PPM1H: variants seen among roughly 807,000 people sequenced by gnomAD.
The protein encoded by PPM1H is protein phosphatase, Mg2+/Mn2+ dependent 1H.
Under a neutral mutation model 54.9 loss-of-function variants are expected in PPM1H, and 27 were observed. The ratio of observed to expected loss-of-function variants is 0.49; its 90% CI spans 0.36 to 0.68. PPM1H has a LOEUF of 0.68. Ranked by LOEUF, PPM1H falls within the 30% of genes least tolerant of loss-of-function variation. The pLI is 0.00. For synonymous variants in PPM1H, 305 were observed against 270.8 expected, an observed-to-expected ratio of 1.13 and a Z score of -1.24; for missense variants, 596 against 667.8, an observed-to-expected ratio of 0.89 and a Z score of 1.19.
At chr12:62,796,054 A>C (rs2076732285) in intron 3 of PPM1H, among the ~76,000 whole-genome samples, 1 of 152,164 alleles carries the variant, frequency 6.6e-6, no homozygotes, top group Non-Finnish European at 1.5e-5. Flanking sequence ...TTACTTCCTC[A>C]GTGGTGTCTA....
rs1472181899 is a variant in PPM1H, at chr12:62,646,529, A to G, written c.*1960T>C. ...ACAGGGAGTGGACCACACTGCTGTC[A>G]CATGCCCGAAGGTTTTCCTACAGCA... On this transcript the variant is annotated 3_prime_UTR_variant, in exon 10 of 10. Coordinates refer to ENST00000228705, the MANE Select transcript of PPM1H (RefSeq NM_020700.2). 6.6e-6 allele frequency: 1 copy of G among 152,288 alleles called. No homozygotes were observed. The highest frequency in any genetic ancestry group is 1.5e-5 in the Non-Finnish European group (1 of 68,078). The allele number at this position is 152,288 out of a possible 1,614,324, so 9.4% of individuals were successfully genotyped here.
chr12:62,696,379 G>A (rs1443762410), intron 6 of PPM1H, among the ~76,000 whole-genome samples: 2 of 152,144 alleles, frequency 1.3e-5, no homozygotes, highest in African/African-American at 4.8e-5. Flanking sequence ...GAAAAGGAAG[G>A]TTTATTCTGC....
At chr12:62,746,021 C>T (rs1443156793) in intron 4 of PPM1H, among the ~76,000 whole-genome samples, 5 of 151,938 alleles carry the variant, frequency 3.3e-5, no homozygotes, top group Non-Finnish European at 7.4e-5. Context: ...CTGAGACCCT[C>T]GTCTCTACAA....
At chr12:62,763,838 A>C (rs342151) in intron 4 of PPM1H, among the ~76,000 whole-genome samples, 30,363 of 152,030 alleles carry the variant, frequency 0.2, 3,487 homozygotes, top group African/African-American at 0.31. Flanking sequence ...CCATTTGCTG[A>C]GCTTGCTACC....
intron 8 of PPM1H, among the ~76,000 whole-genome samples, chr12:62,669,969 CTTTTTTT>C (rs1161094944): frequency 2.4e-4 from 11 of 46,428 alleles, no homozygotes; most frequent in East Asian, 8.8e-4. Flanking sequence ...GGATTGATTC[CTTTTTTT>C]TTTTTTTTTT....
At position 62,756,750 on chromosome 12, in the gene PPM1H, G is replaced by A. The variant is rs1279479533; in HGVS notation, c.870-19164C>T. Among the ~76,000 whole-genome samples, 5 of 151,968 alleles carry A rather than the reference G, an allele frequency of 3.3e-5. 1 individual carries two copies. In the South Asian group the frequency reaches 8.4e-4, roughly 25 times the overall value. On this transcript the variant is annotated intron_variant, in intron 4 of 9. Coordinates refer to ENST00000228705, the MANE Select transcript of PPM1H (RefSeq NM_020700.2). ...TGAATCTCGGAGGAGCCAATTGAAC[G>A]GCCGAAGATGACGGCACGTGAAAGC...
intron 3 of PPM1H, chr12:62,788,555 GA>G: frequency 2.3e-6 from 1 of 429,928 alleles, no homozygotes; most frequent in Non-Finnish European, 4.2e-6. Context: ...CCAGAGACAG[GA>G]AACAATAGAC....
intron 6 of PPM1H, among the ~76,000 whole-genome samples, chr12:62,719,563 CT>C (rs752815665): frequency 6.6e-6 from 1 of 152,166 alleles, no homozygotes; most frequent in Non-Finnish European, 1.5e-5. Flanking sequence ...CTGCTCCATC[CT>C]AGAAATGTTC....
chr12:62,845,515 G>A (rs186313961), intron 1 of PPM1H, among the ~76,000 whole-genome samples: 32 of 152,288 alleles, frequency 2.1e-4, no homozygotes, highest in African/African-American at 7.7e-4. Context: ...CCATATATGA[G>A]GTATGGAAAG....
chr12:62,669,723 G>C (rs1230477001), intron 8 of PPM1H, among the ~76,000 whole-genome samples: 1 of 152,070 alleles, frequency 6.6e-6, no homozygotes, highest in African/African-American at 2.4e-5. Context: ...CTTGAGGCCA[G>C]GAGTTCGTGA....
chr12:62,777,321 G>C (rs1342611283), intron 4 of PPM1H, among the ~76,000 whole-genome samples: 3 of 152,150 alleles, frequency 2.0e-5, no homozygotes, highest in Non-Finnish European at 4.4e-5. Flanking sequence ...ACACTGCATT[G>C]TAAATGGATG....
In PPM1H at chr12:62,673,715, C is replaced by CTTTTTTTTTTTTTTTTTTTTTTTTTTTTT. The variant is rs567775927; in HGVS notation, c.1246-6387_1246-6386insAAAAAAAAAAAAAAAAAAAAAAAAAAAAA. Among the ~76,000 whole-genome samples, 59 of 41,966 alleles carry CTTTTTTTTTTTTTTTTTTTTTTTTTTTTT rather than the reference C, an allele frequency of 1.4e-3. 14 individuals carry two copies. The highest frequency in any genetic ancestry group is 2.3e-3 in the Non-Finnish European group (48 of 20,640). 27.5% of individuals were successfully genotyped at this position (41,966 alleles called of 152,430 possible). ...GCTTTGTGACTTGAGAAGAGCCACT[C>CTTTTTTTTTTTTTTTTTTTTTTTTTTTTT]TTTTTTTTTTTTTTTTTTTTTTTTT... On this transcript the variant is annotated intron_variant, in intron 8 of 9. Coordinates refer to ENST00000228705, the MANE Select transcript of PPM1H (RefSeq NM_020700.2).
chr12:62,720,456 G>A (rs919674373), intron 5 of PPM1H, among the ~76,000 whole-genome samples, 167 bp from the exon 6 acceptor site: 2 of 152,062 alleles, frequency 1.3e-5, no homozygotes, highest in African/African-American at 2.4e-5. Context: ...AATAGAAGAC[G>A]AGCACATAAA....
rs183325934 is a variant in PPM1H at position 62,794,874 on chromosome 12, C to T, written c.757-6536G>A. Among the ~76,000 whole-genome samples, 18 of 152,236 alleles carry T rather than the reference C, an allele frequency of 1.2e-4. No homozygotes were observed. The East Asian group carries it at 3.3e-3, about 28-fold the overall frequency. On this transcript the variant is annotated intron_variant, in intron 3 of 9. Coordinates refer to ENST00000228705, the MANE Select transcript of PPM1H (RefSeq NM_020700.2). The stretch of plus-strand genomic sequence containing the variant: ...GGTGACAAAACAGAGCTAAGCCAGG[C>T]CTTGCTGGGAAGCAGAATTGAAGTC...
At chr12:62,709,943 G>A (rs914748744) in intron 6 of PPM1H, among the ~76,000 whole-genome samples, 1 of 152,084 alleles carries the variant, frequency 6.6e-6, no homozygotes, top group African/African-American at 2.4e-5. Flanking sequence ...GGTGGCACAT[G>A]CCTGTAATCC....
intron 3 of PPM1H, among the ~76,000 whole-genome samples, chr12:62,797,293 G>C (rs2076740098): frequency 6.6e-6 from 1 of 152,172 alleles, no homozygotes; most frequent in Non-Finnish European, 1.5e-5. Flanking sequence ...GCAAATTAGA[G>C]GCTTAGGTGC....
chr12:62,934,348 TAAGTA>T lies in PPM1H; in HGVS notation c.245+139_245+143del, dbSNP rs1459236732. The T allele has an allele frequency of 2.5e-6, 3 of 1,197,266 alleles. No homozygotes were observed. Among genetic ancestry groups the T allele is most frequent in the African/African-American group, 3.2e-5 (2 of 62,844 alleles). 74.2% of individuals were successfully genotyped at this position (1,197,266 alleles called of 1,614,324 possible). A position where few individuals can be genotyped will look rare whatever the true frequency, so the allele number is the denominator to read the frequency against. ...GGGGAGAAGAGGGAAATGGCCAGTG[TAAGTA>T]AAGAGCTCCCCGCCGAGGCCTGGAC... On this transcript the variant is annotated intron_variant, in intron 1 of 9. Coordinates refer to ENST00000228705, the MANE Select transcript of PPM1H (RefSeq NM_020700.2). The surrounding 1 kb of genome is among the most constrained non-coding windows in gnomAD (Gnocchi z 4.2).
intron 4 of PPM1H, among the ~76,000 whole-genome samples, chr12:62,783,048 T>G (rs2076650983): frequency 6.6e-6 from 1 of 152,050 alleles, no homozygotes; most frequent in Non-Finnish European, 1.5e-5. Context: ...CCCAGGCTGG[T>G]CTGCAACTCT....
chr12:62,838,332 T>G (rs1868569818), intron 1 of PPM1H, among the ~76,000 whole-genome samples: 1 of 98,582 alleles, frequency 1.0e-5, no homozygotes, highest in African/African-American at 5.4e-5. Context: ...ACAGTGTGTG[T>G]GTGTGTGGGG....
Sources: allele counts gnomAD v4.1 joint callset (sites outside exome capture counted in the v4.1 genomes callset), GRCh38; gene constraint gnomAD v4.1.1; non-coding constraint Gnocchi (gnomAD v3.1); transcripts MANE v1.5; gene names NCBI Gene and HGNC (gene_info 2026-07-23, HGNC 2026-07-21).